The following CYTH1 variants were observed in gnomAD, a reference collection of about 807,000 sequenced individuals.
CYTH1 encodes the protein cytohesin 1.
Under a neutral mutation model 61.8 loss-of-function variants are expected in CYTH1, and 18 were observed. The ratio of observed to expected loss-of-function variants is 0.29; its 90% CI spans 0.20 to 0.43. The LOEUF is 0.43. Among genes scored for constraint, CYTH1 ranks in the 20% least tolerant of loss-of-function variants. The probability of loss-of-function intolerance (pLI) is 1.00; values close to 1 mark genes in which losing one functional copy is unlikely to be tolerated. For missense variants in CYTH1, 336 were observed against 510.5 expected (o/e 0.66, Z 3.29); for synonymous variants, 174 against 184.3 (o/e 0.94, Z 0.45).
chr17:78,681,419 C>T (rs1164204301), intron 11 of CYTH1, among the ~76,000 whole-genome samples: 1 of 152,136 alleles, frequency 6.6e-6, no homozygotes, highest in Non-Finnish European at 1.5e-5. Flanking sequence ...GGAAGCCTTT[C>T]CTAGTTTCAC....
chr17:78,686,806 A>G (rs2092821407), intron 11 of CYTH1, among the ~76,000 whole-genome samples: 1 of 151,956 alleles, frequency 6.6e-6, no homozygotes, highest in African/African-American at 2.4e-5. Flanking sequence ...TGGGGGGCAC[A>G]GTTTTGCTTT....
At chr17:78,725,639 C>A (rs2144565793) in intron 1 of CYTH1, among the ~76,000 whole-genome samples, 1 of 152,320 alleles carries the variant, frequency 6.6e-6, no homozygotes, top group East Asian at 1.9e-4. Flanking sequence ...CTATGACTCT[C>A]TCTTTAACAT....
At chr17:78,732,369 G>A (rs2093299538) in intron 1 of CYTH1, among the ~76,000 whole-genome samples, 1 of 152,160 alleles carries the variant, frequency 6.6e-6, no homozygotes. Flanking sequence ...CTCAGATAAT[G>A]GATAAGGGTC....
Position 78,680,482 on chromosome 17 carries a change from G to A in CYTH1, c.964-138C>T. On this transcript the variant is annotated intron_variant, in intron 12 of 13. Coordinates refer to ENST00000446868, the MANE Select transcript of CYTH1 (RefSeq NM_004762.6). ...AATACATATTTTCCTGTGGAAAAGT[G>A]AAGCCTAGAAGCGGAATTCTAGAGA... 4.9e-6 allele frequency: 5 copies of A among 1,020,308 alleles called. No homozygotes were observed. In the South Asian group the frequency reaches 8.7e-5, roughly 18 times the overall value. The allele number at this position is 1,020,308 out of a possible 1,614,324, so 63.2% of individuals were successfully genotyped here. A position where few individuals can be genotyped will look rare whatever the true frequency, so the allele number is the denominator to read the frequency against.
At chr17:78,707,664 T>C (rs774743958) in intron 3 of CYTH1, among the ~76,000 whole-genome samples, 4 of 152,168 alleles carry the variant, frequency 2.6e-5, no homozygotes, top group East Asian at 1.9e-4. Flanking sequence ...TCTGGGACCT[T>C]TGAAGTTCTC....
chr17:78,741,407 G>T (rs1359304687), intron 1 of CYTH1, among the ~76,000 whole-genome samples: 2 of 151,454 alleles, frequency 1.3e-5, no homozygotes, highest in Non-Finnish European at 1.5e-5. Context: ...AAAAAAAAAC[G>T]TGAATATTTA....
At chr17:78,736,696 C>T (rs2144620530) in intron 1 of CYTH1, 2 of 413,990 alleles carry the variant, frequency 4.8e-6, no homozygotes, top group Non-Finnish European at 5.1e-6. Flanking sequence ...ACTCACCGTC[C>T]TCCTCTTCGG....
At chr17:78,706,837 T>C (rs2093071888) in intron 3 of CYTH1, among the ~76,000 whole-genome samples, 2 of 152,366 alleles carry the variant, frequency 1.3e-5, no homozygotes, top group African/African-American at 2.4e-5. Context: ...TTTTCATGTG[T>C]CTACTACACA....
intron 1 of CYTH1, among the ~76,000 whole-genome samples, chr17:78,711,913 T>TA (rs952089720): frequency 8.6e-5 from 13 of 151,036 alleles, no homozygotes; most frequent in Admixed American, 4.0e-4. Context: ...CTGTCTCTAC[T>TA]AAAAAAAATA....
At chr17:78,725,467 T>C (rs1369267910) in intron 1 of CYTH1, among the ~76,000 whole-genome samples, 1 of 152,226 alleles carries the variant, frequency 6.6e-6, no homozygotes, top group Non-Finnish European at 1.5e-5. Flanking sequence ...CATAGCACTT[T>C]TCATAGTCCT....
intron 1 of CYTH1, among the ~76,000 whole-genome samples, chr17:78,764,977 G>T (rs1016584546): frequency 6.6e-6 from 1 of 152,022 alleles, no homozygotes; most frequent in African/African-American, 2.4e-5. Flanking sequence ...AGAGAGGAGG[G>T]GGGCACTGGC....
At chr17:78,688,350 A>C (rs2092838154) in intron 11 of CYTH1, among the ~76,000 whole-genome samples, 1 of 152,230 alleles carries the variant, frequency 6.6e-6, no homozygotes. Flanking sequence ...TATGTCACAG[A>C]AGAACAAGCA....
At chr17:78,737,602 CA>C (rs34735933) in intron 1 of CYTH1, among the ~76,000 whole-genome samples, 8,799 of 104,772 alleles carry the variant, frequency 0.084, 440 homozygotes, top group South Asian at 0.19. Context: ...ATATTAGAGG[CA>C]AAAAAAAAAA....
At chr17:78,689,414 G>A (rs1006904601) in intron 11 of CYTH1, among the ~76,000 whole-genome samples, 6 of 152,176 alleles carry the variant, frequency 3.9e-5, no homozygotes, top group African/African-American at 1.4e-4. Context: ...CAGGAGGAGT[G>A]CACAACCTAG....
chr17:78,719,607 G>A (rs1365333867), intron 1 of CYTH1, among the ~76,000 whole-genome samples: 1 of 152,162 alleles, frequency 6.6e-6, no homozygotes, highest in Non-Finnish European at 1.5e-5. Context: ...GCAGGGATAA[G>A]AATGCAACCA....
chr17:78,727,658 C>T lies in CYTH1; in HGVS notation c.23-17926G>A, dbSNP rs141683780. The T allele has an allele frequency of 1.3e-3, 611 of 471,108 alleles. 2 individuals are homozygous for T. Among genetic ancestry groups the T allele is most frequent in the African/African-American group, 0.011 (529 of 50,212 alleles). The allele number at this position is 471,108 out of a possible 1,614,324, so 29.2% of individuals were successfully genotyped here. A position where few individuals can be genotyped will look rare whatever the true frequency, so the allele number is the denominator to read the frequency against. On this transcript the variant is annotated intron_variant, in intron 1 of 13. Transcript: ENST00000446868. Reference sequence around the variant, plus strand: ...ATACTGGCCCCCTGCCTCCACCTACCAGCAGGGCAAGGCTGGAGCAGGCAC... The same window carrying T: ...ATACTGGCCCCCTGCCTCCACCTACTAGCAGGGCAAGGCTGGAGCAGGCAC...
intron 11 of CYTH1, among the ~76,000 whole-genome samples, chr17:78,683,979 TTGAC>T (rs1766695867): frequency 6.6e-6 from 1 of 152,206 alleles, no homozygotes; most frequent in African/African-American, 2.4e-5. Context: ...TGTATACTCT[TTGAC>T]TGGTGAGGCC....
chr17:78,727,423 T>A (rs975160493), intron 1 of CYTH1, among the ~76,000 whole-genome samples: 1 of 152,206 alleles, frequency 6.6e-6, no homozygotes, highest in African/African-American at 2.4e-5. Context: ...AAGCAAAAAC[T>A]GGCATCTGTT....
At chr17:78,763,424 T>TTA (rs1376290234) in intron 1 of CYTH1, among the ~76,000 whole-genome samples, 1 of 152,110 alleles carries the variant, frequency 6.6e-6, no homozygotes, top group Non-Finnish European at 1.5e-5. Context: ...TTACTGTAGG[T>TTA]TATAGAGTAG....
Sources: gnomAD v4.1 joint callset for allele counts (sites outside exome capture counted in the v4.1 genomes callset) on GRCh38, gnomAD v4.1.1 for gene constraint, MANE v1.5 for transcripts, NCBI Gene and HGNC (gene_info 2026-07-23, HGNC 2026-07-21) for gene names.